BAZ2A: variants seen among roughly 807,000 people sequenced by gnomAD.
BAZ2A encodes bromodomain adjacent to zinc finger domain 2A, also known as bromodomain adjacent to zinc finger domain protein 2A.
BAZ2A carries 34 observed loss-of-function variants against 199.9 expected under a neutral mutation model. The ratio of observed to expected loss-of-function variants is 0.17; its 90% CI spans 0.13 to 0.23. BAZ2A has a LOEUF of 0.23. BAZ2A is among the 10% of genes least tolerant of loss of function. The probability of loss-of-function intolerance (pLI) is 1.00; values close to 1 mark genes in which losing one functional copy is unlikely to be tolerated. For synonymous variants in BAZ2A, 857 were observed against 883.9 expected (o/e 0.97, Z 0.54); for missense variants, 2,002 against 2,391.1 (o/e 0.84, Z 3.39).
rs1264895459 is a variant in BAZ2A, at chr12:56,605,133, G to T, written c.2688C>A (p.Asp896Glu). 6.2e-7 allele frequency: 1 copy of T among 1,613,726 alleles called. No individual in the cohort carries two copies. Among genetic ancestry groups the T allele is most frequent in the East Asian group, 2.2e-5 (1 of 44,876 alleles). Residue 896 changes from aspartate to glutamate, a missense_variant, in exon 14 of 29, where the codon GAC becomes GAA. Asp to Glu is a conservative substitution (Grantham distance 45). This residue lies in a region of BAZ2A where 1,081 missense variants were observed against 1,274.7 expected (regional missense o/e 0.85). Transcript: ENST00000549884. ...CQGDSLGEVQ[D>E]LLVRLLKAAL... ...CAGCCTTCAGCAGCCTGACCAGCAG[G>T]TCTTGCACCTCACCCAAGCTGTCAC...
At position 56,598,298 on chromosome 12, in the gene BAZ2A, G is replaced by C; in HGVS notation, c.*320C>G. ...GGGGAGGAGAGGAAGCAGGGAGGAG[G>C]AAGTAGGGACGACTTTCCCCCTCCC... On this transcript the variant is annotated 3_prime_UTR_variant, in exon 29 of 29. Transcript: ENST00000549884. The C allele has an allele frequency of 3.4e-6, 1 of 295,214 alleles. No homozygotes were observed. The highest frequency in any genetic ancestry group is 1.1e-3 in the Middle Eastern group (1 of 872). 18.3% of individuals were successfully genotyped at this position (295,214 alleles called of 1,614,324 possible).
At chr12:56,638,026 T>G (rs148349753), upstream of BAZ2A, 395 of 315,078 alleles carry the variant, frequency 1.3e-3, 3 homozygotes, top group East Asian at 0.021. Context: ...TAGCCCCAGC[T>G]ACTCAGGAGA....
chr12:56,603,969 C>T (rs1019246652), intron 16 of BAZ2A, among the ~76,000 whole-genome samples: 3 of 151,968 alleles, frequency 2.0e-5, no homozygotes, highest in Non-Finnish European at 4.4e-5. Flanking sequence ...GCCAAGATTG[C>T]GCTATCGCAT....
rs140365305 is a variant in BAZ2A, at chr12:56,623,037, C to T, written c.-2-5505G>A. Among the ~76,000 whole-genome samples the T allele has an allele frequency of 2.8e-3, 419 of 152,058 alleles. 1 individual carries two copies. The highest frequency in any genetic ancestry group is 9.2e-3 in the African/African-American group (382 of 41,486). ...GGATCACGAGGTCAAGAGATCGAGA[C>T]CATCCTGGCTAACACGGTGAAACCC... On this transcript the variant is annotated intron_variant, in intron 1 of 28. Coordinates refer to ENST00000549884, the MANE Select transcript of BAZ2A (RefSeq NM_001300905.2).
At chr12:56,632,085 T>A, upstream of BAZ2A, among the ~76,000 whole-genome samples, 1 of 151,904 alleles carries the variant, frequency 6.6e-6, no homozygotes, top group Non-Finnish European at 1.5e-5. Flanking sequence ...CTCCTCCCTG[T>A]CAAAACAACA....
intron 18 of BAZ2A, 37 bp from the exon 19 acceptor site, chr12:56,602,894 T>C: frequency 1.3e-6 from 2 of 1,580,614 alleles, no homozygotes; most frequent in Non-Finnish European, 1.7e-6. Flanking sequence ...AATAAACACA[T>C]TTCCAGAGTG....
At chr12:56,613,767 C>A (rs190500114) in intron 4 of BAZ2A, among the ~76,000 whole-genome samples, 186 bp downstream of exon 4, 4 of 152,292 alleles carry the variant, frequency 2.6e-5, no homozygotes, top group Non-Finnish European at 5.9e-5. Flanking sequence ...GGGACATGAA[C>A]CAATTCAGCT....
At chr12:56,607,939 G>T (rs1950417961) in intron 10 of BAZ2A, among the ~76,000 whole-genome samples, 1 of 151,910 alleles carries the variant, frequency 6.6e-6, no homozygotes, top group Non-Finnish European at 1.5e-5. Context: ...AATTAGCTGG[G>T]CGTGGTGGCA....
rs769707198 is a variant in BAZ2A, at chr12:56,599,698, T to C, written c.5172+4A>G. 3.5e-5 allele frequency: 56 copies of C among 1,613,190 alleles called. No homozygotes were observed. The East Asian group carries it at 6.5e-4, about 19-fold the overall frequency. On this transcript the variant is annotated splice_donor_region_variant and intron_variant, in intron 26 of 28. Coordinates refer to ENST00000549884, the MANE Select transcript of BAZ2A (RefSeq NM_001300905.2). ...GTGTGGGAAAGAAAGAGCAGAAGCC[T>C]TACCTGAGCCAAACAGACAGTACAG...
At position 56,598,626 on chromosome 12, in the gene BAZ2A, T is replaced by C. The variant is rs756234023; in HGVS notation, c.5704A>G (p.Asn1902Asp). ...TCCCCACCTCCCTTGCCTCACAGAT[T>C]GGCCTGTTTTCCCTGATAAAACTCC... ...WEEFYQGKQANL is the reference protein window; with the variant it reads ...WEEFYQGKQADL Residue 1902 changes from asparagine to aspartate, a missense_variant, in exon 29 of 29, where the codon AAT becomes GAT. Asn to Asp is a conservative substitution (Grantham distance 23). This residue lies in a region of BAZ2A where 76 missense variants were observed against 139.3 expected (regional missense o/e 0.55). Transcript: ENST00000549884. 8 of 1,613,580 alleles carry C rather than the reference T, an allele frequency of 5.0e-6. No homozygotes were observed. The South Asian group carries it at 7.7e-5, about 16-fold the overall frequency.
chr12:56,605,423 A>ATTT (rs376954501), intron 13 of BAZ2A, 96 bp from the exon 14 acceptor site: 132 of 1,066,756 alleles, frequency 1.2e-4, no homozygotes, highest in African/African-American at 5.6e-4. Context: ...TTTTTATGTA[A>ATTT]TTTTTTTTTT....
chr12:56,611,484 A>G (rs1247883601), intron 7 of BAZ2A, 89 bp downstream of exon 7: 3 of 1,326,996 alleles, frequency 2.3e-6, no homozygotes, highest in Non-Finnish European at 3.2e-6. Flanking sequence ...TTCCTCCCCC[A>G]CCTCAGAGGA....
At chr12:56,617,630 A>G (rs1004671561) in intron 1 of BAZ2A, 98 bp from the exon 2 acceptor site, 56 of 1,328,738 alleles carry the variant, frequency 4.2e-5, no homozygotes, top group Admixed American at 3.3e-4. Flanking sequence ...CCCTCCACCT[A>G]CTTACCCTTC....
At chr12:56,604,973 AG>A (rs763939961) in intron 14 of BAZ2A, 99 bp downstream of exon 14, 1 of 1,461,972 alleles carries the variant, frequency 6.8e-7, no homozygotes, top group Non-Finnish European at 9.1e-7. Context: ...GAGAGGAGTC[AG>A]GAAGAAAAAG....
At chr12:56,614,865 C>G in intron 3 of BAZ2A, 149 bp downstream of exon 3, 1 of 829,726 alleles carries the variant, frequency 1.2e-6, no homozygotes, top group Non-Finnish European at 1.9e-6. Flanking sequence ...ACACCAGCCA[C>G]TTGGCTCTGC....
rs1030206808 is a variant in BAZ2A at position 56,614,943 on chromosome 12, C to T, written c.730+71G>A. ...GAGCTGGAAAGACAAGTTTTTCTCA[C>T]CTCAAAAAGCCACTATCCCCCCCGA... On this transcript the variant is annotated intron_variant, in intron 3 of 28. Transcript: ENST00000549884. 5 of 1,454,358 alleles carry T rather than the reference C, an allele frequency of 3.4e-6. No individual in the cohort carries two copies. The African/African-American group carries it at 7.0e-5, about 20-fold the overall frequency. The allele number at this position is 1,454,358 out of a possible 1,614,324, so 90.1% of individuals were successfully genotyped here.
chr12:56,598,928 C>T lies in BAZ2A; in HGVS notation c.5486G>A (p.Arg1829Gln), dbSNP rs1160934682. Residue 1829 changes from arginine (R) to glutamine (Q), a missense_variant, in exon 28 of 29, where the codon CGG becomes CAG. By Grantham distance (43) the Arg-to-Gln change is conservative (BLOSUM62 1). This residue lies in a region of BAZ2A where 76 missense variants were observed against 139.3 expected (regional missense o/e 0.55). Coordinates refer to ENST00000549884, the MANE Select transcript of BAZ2A (RefSeq NM_001300905.2). ...PVNPRLVSGY[R>Q]RIIKNPMDFS... ...ATCCATAGGATTTTTGATGATGCGC[C>T]GGTACCCACTCACCAAACGTGGGTT... 6.8e-6 allele frequency: 11 copies of T among 1,606,458 alleles called. No individual in the cohort carries two copies. The highest frequency in any genetic ancestry group is 4.5e-5 in the East Asian group (2 of 44,582).
At chr12:56,624,555 C>T (rs1273298495) in intron 1 of BAZ2A, among the ~76,000 whole-genome samples, 1 of 151,596 alleles carries the variant, frequency 6.6e-6, no homozygotes, top group Non-Finnish European at 1.5e-5. Context: ...ACCTTTTCTG[C>T]CACTACCAGC....
At chr12:56,614,377 C>A (rs1243851241) in intron 3 of BAZ2A, 1 of 445,940 alleles carries the variant, frequency 2.2e-6, no homozygotes, top group African/African-American at 1.9e-5. Flanking sequence ...ACATCTCTAT[C>A]ATGTTCTCAG....
Sources: gnomAD v4.1 joint callset for allele counts (sites outside exome capture counted in the v4.1 genomes callset) on GRCh38, gnomAD v4.1.1 for gene constraint, gnomAD v4.1.1 regional missense constraint, MANE v1.5 for transcripts, NCBI Gene and HGNC (gene_info 2026-07-23, HGNC 2026-07-21) for gene names.